The following ASB3 variants were observed in gnomAD, a reference collection of about 807,000 sequenced individuals.
ASB3 encodes the protein ankyrin repeat and SOCS box protein 3.
A neutral mutation model predicts 54.5 loss-of-function variants in ASB3; 41 were observed. The ratio of observed to expected loss-of-function variants is 0.75; its 90% CI spans 0.59 to 0.98. ASB3 has a LOEUF of 0.98. Ranked by LOEUF, ASB3 falls within the 50% of genes least tolerant of loss-of-function variation. ASB3 has a pLI of 0.00. For missense variants in ASB3, 733 were observed against 620.0 expected, an observed-to-expected ratio of 1.18 and a Z score of -1.94; for synonymous variants, 266 against 221.2, an observed-to-expected ratio of 1.20 and a Z score of -1.80.
chr2:53,707,074 C>T (rs1669819385), intron 7 of ASB3, among the ~76,000 whole-genome samples: 1 of 152,148 alleles, frequency 6.6e-6, no homozygotes, highest in East Asian at 1.9e-4. Context: ...AGGAGAGTTA[C>T]TATGGGTCAA....
chr2:53,756,721 C>A lies in ASB3; in HGVS notation c.197-5780G>T. 3 of 152,956 alleles carry A rather than the reference C, an allele frequency of 2.0e-5. No homozygotes were observed. The South Asian group carries it at 5.5e-4, about 28-fold the overall frequency. 9.5% of individuals were successfully genotyped at this position (152,956 alleles called of 1,614,324 possible). ...ATCTTGCAACTGCACACTCTCTGGT[C>A]CGTGTTTGTTCCAGTTCAAACTGAG... On this transcript the variant is annotated intron_variant, in intron 2 of 9. Coordinates refer to ENST00000263634, the MANE Select transcript of ASB3 (RefSeq NM_016115.5).
chr2:53,724,619 C>T (rs1449867209), intron 5 of ASB3, among the ~76,000 whole-genome samples: 1 of 151,188 alleles, frequency 6.6e-6, no homozygotes, highest in Non-Finnish European at 1.5e-5. Flanking sequence ...AAAAATTGGG[C>T]AAAAGACATG....
Position 53,716,597 on chromosome 2 carries a change from T to A in ASB3, c.751A>T (p.Ile251Phe). ...YCNEDSWQLP[I>F]HAAAQMGHTK... ...TGGCCCATTTGTGCAGCTGCATGAA[T>A]AGGTAACTGCCAACTGTCCTCATTA... Residue 251 changes from isoleucine to phenylalanine, a missense_variant, in exon 6 of 10, where the codon ATT becomes TTT. Coordinates refer to ENST00000263634, the MANE Select transcript of ASB3 (RefSeq NM_016115.5). The A allele has an allele frequency of 6.2e-7, 1 of 1,613,810 alleles. No homozygotes were observed. The highest frequency in any genetic ancestry group is 8.5e-7 in the Non-Finnish European group (1 of 1,179,796).
intron 2 of ASB3, among the ~76,000 whole-genome samples, chr2:53,755,970 T>C (rs77828729): frequency 0.082 from 11,893 of 144,924 alleles, 528 homozygotes; most frequent in East Asian, 0.17. Context: ...CTGGACAAAA[T>C]AGTAAGACCC....
chr2:53,773,689 A>T, intron 1 of ASB3, among the ~76,000 whole-genome samples: 1 of 151,086 alleles, frequency 6.6e-6, no homozygotes, highest in Non-Finnish European at 1.5e-5. Flanking sequence ...TCGGCCTCCC[A>T]AAGTGCTGGT....
chr2:53,685,201 G>A (rs1442629759), intron 9 of ASB3, among the ~76,000 whole-genome samples: 2 of 152,102 alleles, frequency 1.3e-5, no homozygotes, highest in East Asian at 1.9e-4. Context: ...GTGATTTTCA[G>A]AATAATAGAG....
intron 1 of ASB3, among the ~76,000 whole-genome samples, chr2:53,775,754 G>A (rs981541854): frequency 7.9e-5 from 12 of 152,236 alleles, no homozygotes; most frequent in Non-Finnish European, 1.8e-4. Flanking sequence ...AGGATTACAG[G>A]TGTGAGCCAC....
rs558924601 is a variant in ASB3, at chr2:53,751,596, C to A, written c.197-655G>T. 7.2e-5 allele frequency among the ~76,000 whole-genome samples: 11 copies of A among 152,140 alleles called. No individual in the cohort carries two copies. The South Asian group carries it at 2.3e-3, about 32-fold the overall frequency. Reference sequence around the variant, plus strand: ...CAAATGATATTTACACAATAAAATTCTATGCCCATTATAGAAAGATGGGCT... The same window carrying A: ...CAAATGATATTTACACAATAAAATTATATGCCCATTATAGAAAGATGGGCT... On this transcript the variant is annotated intron_variant, in intron 2 of 9. Transcript: ENST00000263634.
In ASB3 at chr2:53,765,431, G is replaced by T; in HGVS notation, c.142C>A (p.His48Asn). The T allele has an allele frequency of 6.2e-7, 1 of 1,614,194 alleles. No individual in the cohort carries two copies. Among genetic ancestry groups the T allele is most frequent in the Non-Finnish European group, 8.5e-7 (1 of 1,180,032 alleles). Reference protein sequence around the residue: ...VADNRGWMPIHEAAYHNSVEC... With the variant: ...VADNRGWMPINEAAYHNSVEC... ...ACAGAGTTGTGATAAGCTGCTTCATGAATTGGCATCCATCCCCTGTTATCA... is the reference window on the plus strand; with the variant it reads ...ACAGAGTTGTGATAAGCTGCTTCATTAATTGGCATCCATCCCCTGTTATCA... The change falls in exon 2 of 10, where the codon CAT (histidine) becomes AAT (asparagine). Residue 48 changes from histidine (H) to asparagine (N), a missense_variant. Coordinates refer to ENST00000263634, the MANE Select transcript of ASB3 (RefSeq NM_016115.5).
Position 53,750,753 on chromosome 2 carries a change from T to C in ASB3, c.355+30A>G, listed in dbSNP as rs111382659. 6.2e-6 allele frequency: 9 copies of C among 1,448,132 alleles called. 1 individual carries two copies. The highest frequency in any genetic ancestry group is 8.2e-6 in the Non-Finnish European group (9 of 1,095,326). 89.7% of individuals were successfully genotyped at this position (1,448,132 alleles called of 1,614,324 possible). ...ACAAAAAAATAATAATGATGAAAAA[T>C]TGCATCTGCACCACAAATAGCATAC... On this transcript the variant is annotated intron_variant, in intron 3 of 9. Transcript: ENST00000263634.
chr2:53,760,541 T>C (rs1339689304), intron 2 of ASB3, among the ~76,000 whole-genome samples: 1 of 152,078 alleles, frequency 6.6e-6, no homozygotes, highest in Non-Finnish European at 1.5e-5. Flanking sequence ...GCAGAAGAAA[T>C]AGAATGGGGA....
intron 5 of ASB3, among the ~76,000 whole-genome samples, chr2:53,720,043 G>A (rs138729446): frequency 1.4e-3 from 211 of 151,840 alleles, no homozygotes; most frequent in Non-Finnish European, 2.7e-3. Context: ...CCCTGTGGAC[G>A]AAGGACAGAC....
At chr2:53,692,127 A>G (rs1023071230) in intron 9 of ASB3, among the ~76,000 whole-genome samples, 4 of 152,180 alleles carry the variant, frequency 2.6e-5, no homozygotes, top group African/African-American at 9.7e-5. Context: ...AACCAAAAAA[A>G]TGTCTGCAGA....
chr2:53,748,712 A>G (rs893328437), intron 3 of ASB3, among the ~76,000 whole-genome samples: 25 of 152,154 alleles, frequency 1.6e-4, no homozygotes, highest in African/African-American at 6.0e-4. Context: ...AAAAAAGTTA[A>G]AATCATAAAA....
intron 1 of ASB3, among the ~76,000 whole-genome samples, chr2:53,776,592 G>A (rs1057404971): frequency 2.6e-5 from 4 of 152,116 alleles, no homozygotes; most frequent in African/African-American, 9.7e-5. Flanking sequence ...ATGCTGTGAA[G>A]GGAGGATCAC....
chr2:53,759,408 G>T (rs1409534241), intron 2 of ASB3, among the ~76,000 whole-genome samples: 2 of 152,140 alleles, frequency 1.3e-5, no homozygotes, highest in African/African-American at 4.8e-5. Flanking sequence ...CTCTATTGAG[G>T]GCCAACTAAT....
intron 2 of ASB3, among the ~76,000 whole-genome samples, chr2:53,753,523 TATATAC>T (rs1054400814): frequency 2.0e-5 from 3 of 152,180 alleles, no homozygotes; most frequent in African/African-American, 7.2e-5. Context: ...TATAGATGTA[TATATAC>T]ATGGGTTATA....
At chr2:53,709,823 T>A (rs192667184) in intron 7 of ASB3, among the ~76,000 whole-genome samples, 202 of 152,308 alleles carry the variant, frequency 1.3e-3, no homozygotes, top group Admixed American at 0.01. Flanking sequence ...GTGTATGTGA[T>A]CTGCGGAGGT....
chr2:53,743,970 G>T (rs1240944100), intron 3 of ASB3, among the ~76,000 whole-genome samples: 1 of 151,740 alleles, frequency 6.6e-6, no homozygotes, highest in African/African-American at 2.4e-5. Flanking sequence ...TTGAACCCTG[G>T]AGGTGGAAGT....
Sources: allele counts gnomAD v4.1 joint callset (sites outside exome capture counted in the v4.1 genomes callset), GRCh38; gene constraint gnomAD v4.1.1; transcripts MANE v1.5; gene names NCBI Gene and HGNC (gene_info 2026-07-23, HGNC 2026-07-21).